Variants in ZNF19 observed in about 807,000 individuals in gnomAD.
ZNF19 encodes zinc finger protein 19, also known as zinc finger protein 19 (KOX 12).
Under a neutral mutation model 13.1 loss-of-function variants are expected in ZNF19, and 11 were observed. That is an observed-to-expected ratio of 0.84 (90% CI 0.53 to 1.39). ZNF19 has a LOEUF of 1.39. Among genes scored for constraint, ZNF19 ranks in the 40% most tolerant of loss-of-function variants. The probability of loss-of-function intolerance (pLI) is 0.00; values close to 1 mark genes in which losing one functional copy is unlikely to be tolerated. For synonymous variants in ZNF19, 186 were observed against 187.0 expected, an observed-to-expected ratio of 0.99 and a Z score of 0.04; for missense variants, 560 against 547.0, an observed-to-expected ratio of 1.02 and a Z score of -0.24.
Position 71,475,657 on chromosome 16 carries a change from C to G in ZNF19, c.890G>C (p.Gly297Ala). ...CTCATTACACTCATAGGGTTTCTCT[C>G]CAGTGTGGATTTTCTGATGCCGAAG... is the stretch of plus-strand genomic sequence containing the variant. Reference protein sequence around the residue: ...PLLRHQKIHTGEKPYECNECG... With the variant: ...PLLRHQKIHTAEKPYECNECG... The change falls in exon 6 of 6, where the codon GGA (glycine) becomes GCA (alanine). Residue 297 changes from glycine to alanine, a missense_variant. Transcript: ENST00000288177. 1 of 1,612,704 alleles carries G rather than the reference C, an allele frequency of 6.2e-7. No individual in the cohort carries two copies. Among genetic ancestry groups the G allele is most frequent in the South Asian group, 1.1e-5 (1 of 90,898 alleles).
intron 3 of ZNF19, among the ~76,000 whole-genome samples, chr16:71,481,497 T>C (rs1015089488): frequency 6.6e-6 from 1 of 152,218 alleles, no homozygotes; most frequent in Admixed American, 6.5e-5. Context: ...CTCAAGGCTA[T>C]GATGCCACTG....
At position 71,478,323 on chromosome 16, in the gene ZNF19, G is replaced by C; in HGVS notation, c.179C>G (p.Pro60Arg). The C allele has an allele frequency of 6.2e-7, 1 of 1,613,774 alleles. No homozygotes were observed. Among genetic ancestry groups the C allele is most frequent in the Non-Finnish European group, 8.5e-7 (1 of 1,179,804 alleles). ...TCTCTCCAAAAGTGAGATCAGTGCAGGTTTGGGAACTGGGTACCCTGAAAA... is the reference window on the plus strand; with the variant it reads ...TCTCTCCAAAAGTGAGATCAGTGCACGTTTGGGAACTGGGTACCCTGAAAA... Reference protein sequence around the residue: ...LTALGYPVPKPALISLLERGD... With the variant: ...LTALGYPVPKRALISLLERGD... Residue 60 changes from proline to arginine, a missense_variant, in exon 5 of 6, where the codon CCT becomes CGT. By Grantham distance (103) the Pro-to-Arg change is moderately radical (BLOSUM62 -2). Coordinates refer to ENST00000288177, the MANE Select transcript of ZNF19 (RefSeq NM_006961.4).
intron 4 of ZNF19, 121 bp downstream of exon 4, chr16:71,478,756 ACT>A: frequency 7.4e-7 from 1 of 1,346,624 alleles, no homozygotes; most frequent in Non-Finnish European, 1.0e-6. Flanking sequence ...CTCTGCAGTC[ACT>A]CAGTGGAGGA....
chr16:71,481,147 G>A (rs2043634801), intron 3 of ZNF19, among the ~76,000 whole-genome samples: 1 of 152,204 alleles, frequency 6.6e-6, no homozygotes, highest in African/African-American at 2.4e-5. Context: ...CAGCAATTTA[G>A]AAACTGAGTG....
chr16:71,478,879 C>A lies in ZNF19; in HGVS notation c.160G>T (p.Gly54Trp). 6.2e-7 allele frequency: 1 copy of A among 1,613,960 alleles called. No individual in the cohort carries two copies. Among genetic ancestry groups the A allele is most frequent in the Non-Finnish European group, 8.5e-7 (1 of 1,179,872 alleles). ...AGTCCTAGGAGGAAAATGGCCTTACCCAAAGCAGTCAGGTTCCCAAAATTC... is the reference window on the plus strand; with the variant it reads ...AGTCCTAGGAGGAAAATGGCCTTACACAAAGCAGTCAGGTTCCCAAAATTC... ...LENFGNLTAL[G>W]YPVPKPALIS... Residue 54 changes from glycine to tryptophan, a missense_variant and splice_region_variant, in exon 4 of 6, where the codon GGG (glycine) becomes TGG (tryptophan). Physicochemically the swap from Gly to Trp is radical, Grantham distance 184. Transcript: ENST00000288177.
At chr16:71,479,235 T>C (rs2043622091) in intron 3 of ZNF19, 2 of 549,128 alleles carry the variant, frequency 3.6e-6, no homozygotes, top group Admixed American at 3.2e-5. Flanking sequence ...TTGACTGTCA[T>C]AAAATGTGAT....
intron 3 of ZNF19, 35 bp from the exon 4 acceptor site, chr16:71,479,040 T>A (rs1184493191): frequency 6.2e-7 from 1 of 1,613,820 alleles, no homozygotes; most frequent in Non-Finnish European, 8.5e-7. Flanking sequence ...CCAGAGCCAA[T>A]CCTCTGGCTC....
Position 71,475,918 on chromosome 16 carries a change from A to C in ZNF19, c.629T>G (p.Ile210Ser). 1 of 1,613,672 alleles carries C rather than the reference A, an allele frequency of 6.2e-7. No homozygotes were observed. Among genetic ancestry groups the C allele is most frequent in the Non-Finnish European group, 8.5e-7 (1 of 1,179,756 alleles). ...CTGATAGGGTCTCTCTCCAGTGTGA[A>C]TCCTCTGGTGCCGAATTAACGAAGA... ...GNSSLIRHQRIHTGERPYQCE... is the reference protein window; with the variant it reads ...GNSSLIRHQRSHTGERPYQCE... Residue 210 changes from isoleucine (I) to serine (S), a missense_variant, in exon 6 of 6, where the codon ATT becomes AGT. Transcript: ENST00000288177.
At chr16:71,480,756 T>C (rs777991765) in intron 3 of ZNF19, among the ~76,000 whole-genome samples, 12 of 152,204 alleles carry the variant, frequency 7.9e-5, no homozygotes, top group Non-Finnish European at 5.9e-5. Context: ...CAGAGTGTGG[T>C]CTCCAGACCA....
chr16:71,488,570 A>G (rs1266902108), intron 1 of ZNF19, among the ~76,000 whole-genome samples: 5 of 152,146 alleles, frequency 3.3e-5, no homozygotes, highest in Admixed American at 6.5e-5. Context: ...AGGCCGAGAC[A>G]GGCGGATCGC....
At chr16:71,477,800 A>C (rs1009229600) in intron 5 of ZNF19, 1 of 161,632 alleles carries the variant, frequency 6.2e-6, no homozygotes, top group Non-Finnish European at 1.3e-5. Context: ...TTTATGGCCA[A>C]CTTTTGGGAA....
Position 71,476,131 on chromosome 16 carries a change from T to G in ZNF19, c.416A>C (p.Gln139Pro). 6.2e-7 allele frequency: 1 copy of G among 1,614,212 alleles called. No homozygotes were observed. Among genetic ancestry groups the G allele is most frequent in the East Asian group, 2.2e-5 (1 of 44,882 alleles). Residue 139 changes from glutamine to proline, a missense_variant, in exon 6 of 6, where the codon CAG becomes CCG. Transcript: ENST00000288177. Reference protein sequence around the residue: ...FPETRNVEKHQDIPTVKNIQG... With the variant: ...FPETRNVEKHPDIPTVKNIQG... ...GATATTTTTCACTGTGGGGATGTCC[T>G]GGTGCTTTTCCACATTACGTGTTTC... is the stretch of plus-strand genomic sequence containing the variant.
intron 3 of ZNF19, among the ~76,000 whole-genome samples, chr16:71,481,584 C>T (rs985179260): frequency 4.6e-5 from 7 of 152,200 alleles, no homozygotes; most frequent in South Asian, 2.1e-4. Context: ...TGCCTCACTT[C>T]GCCAGCAGTA....
In ZNF19 at chr16:71,478,977, A is replaced by G. The variant is rs75634923; in HGVS notation, c.62T>C (p.Val21Ala). The change falls in exon 4 of 6, where the codon GTG (valine) becomes GCG (alanine). Residue 21 changes from valine to alanine, a missense_variant. By Grantham distance (64) the Val-to-Ala change is moderately conservative. Transcript: ENST00000288177. Reference protein sequence around the residue: ...QEMVTFEDVAVHFTKTEWTGL... With the variant: ...QEMVTFEDVAAHFTKTEWTGL... ...AGTCCATTCTGTCTTGGTGAAGTGC[A>G]CAGCCACATCCTCGAAGGTCACCAT... The G allele has an allele frequency of 6.2e-7, 1 of 1,614,206 alleles. No individual in the cohort carries two copies. The highest frequency in any genetic ancestry group is 1.7e-5 in the Admixed American group (1 of 60,028).
intron 5 of ZNF19, 155 bp downstream of exon 5, chr16:71,478,073 T>C: frequency 1.7e-6 from 1 of 605,290 alleles, no homozygotes; most frequent in Non-Finnish European, 3.0e-6. Flanking sequence ...AGTGATTACA[T>C]GTTGGTAAGA....
rs751512197 is a variant in ZNF19, at chr16:71,478,294, C to T, written c.208G>A (p.Asp70Asn). Residue 70 changes from aspartate to asparagine, a missense_variant, in exon 5 of 6, where the codon GAC becomes AAC. By Grantham distance (23) the Asp-to-Asn change is conservative. Transcript: ENST00000288177. ...TGTGCTTCCAGGCCCCAAGCCATGT[C>T]CCCTCTCTCCAAAAGTGAGATCAGT... Reference protein sequence around the residue: ...PALISLLERGDMAWGLEAQDD... With the variant: ...PALISLLERGNMAWGLEAQDD... The T allele has an allele frequency of 6.2e-7, 1 of 1,614,062 alleles. No individual in the cohort carries two copies. Among genetic ancestry groups the T allele is most frequent in the Non-Finnish European group, 8.5e-7 (1 of 1,180,002 alleles).
intron 1 of ZNF19, among the ~76,000 whole-genome samples, chr16:71,485,188 G>A (rs1047261423): frequency 6.6e-6 from 1 of 152,098 alleles, no homozygotes; most frequent in African/African-American, 2.4e-5. Context: ...GGTGGCTCAC[G>A]CCTGTAATCC....
chr16:71,484,537 T>A (rs936438462), intron 2 of ZNF19, 52 bp downstream of exon 2: 46 of 985,238 alleles, frequency 4.7e-5, no homozygotes, highest in Non-Finnish European at 5.5e-5. Flanking sequence ...TCTCTAGAGG[T>A]GCAGTGCCTG....
intron 3 of ZNF19, 105 bp downstream of exon 3, chr16:71,481,977 T>G (rs1408613214): frequency 7.9e-7 from 1 of 1,258,580 alleles, no homozygotes; most frequent in Non-Finnish European, 1.2e-6. Context: ...TCAGCAGGGG[T>G]TTTCCTACTG....
Sources: gnomAD v4.1 joint callset for allele counts (sites outside exome capture counted in the v4.1 genomes callset) on GRCh38, gnomAD v4.1.1 for gene constraint, MANE v1.5 for transcripts, NCBI Gene and HGNC (gene_info 2026-07-23, HGNC 2026-07-21) for gene names.